Variants in FBLN5 observed in about 807,000 individuals in gnomAD.
FBLN5 encodes fibulin-5.
In FBLN5, 24 loss-of-function variants were observed where a neutral mutation model predicts 61.6. The observed-to-expected ratio is 0.39, with a 90% CI of 0.28 to 0.55. FBLN5 has a LOEUF of 0.55. Among genes scored for constraint, FBLN5 ranks in the 20% least tolerant of loss-of-function variants. The pLI is 0.65. For missense variants in FBLN5, 470 were observed against 594.1 expected (o/e 0.79, Z 2.17); for synonymous variants, 213 against 219.8 (o/e 0.97, Z 0.27).
At chr14:91,886,770 A>AT (rs1566804118) in intron 7 of FBLN5, among the ~76,000 whole-genome samples, 3 of 152,146 alleles carry the variant, frequency 2.0e-5, no homozygotes, top group Non-Finnish European at 4.4e-5. Context: ...CATTCATTCA[A>AT]TGTTCCCCCC....
chr14:91,879,151 C>T (rs1227331523), intron 9 of FBLN5, among the ~76,000 whole-genome samples: 1 of 152,186 alleles, frequency 6.6e-6, no homozygotes, highest in Non-Finnish European at 1.5e-5. Flanking sequence ...GTATCATGTG[C>T]AGCATAGAAA....
intron 4 of FBLN5, among the ~76,000 whole-genome samples, chr14:91,898,953 C>A (rs1220892356): frequency 6.6e-6 from 1 of 151,952 alleles, no homozygotes; most frequent in Non-Finnish European, 1.5e-5. Flanking sequence ...AGGTGCCCAC[C>A]ACCACGCCCG....
chr14:91,942,051 C>T, intron 2 of FBLN5: 1 of 436,250 alleles, frequency 2.3e-6, no homozygotes, highest in Non-Finnish European at 4.6e-6. Context: ...CTGCAGCCCT[C>T]AGCCTGCTCA....
At chr14:91,883,509 A>T (rs1289143518) in intron 7 of FBLN5, among the ~76,000 whole-genome samples, 1 of 152,062 alleles carries the variant, frequency 6.6e-6, no homozygotes, top group Non-Finnish European at 1.5e-5. Flanking sequence ...GGCCCTCTGA[A>T]GGGGCAACTT....
At chr14:91,935,911 C>T (rs946388845) in intron 4 of FBLN5, among the ~76,000 whole-genome samples, 4 of 152,338 alleles carry the variant, frequency 2.6e-5, no homozygotes, top group East Asian at 1.9e-4. Flanking sequence ...AGAGACCACA[C>T]GCCTTGAGAC....
chr14:91,880,522 C>CGTGTGTGT (rs1170158743), intron 9 of FBLN5, among the ~76,000 whole-genome samples: 2 of 106,832 alleles, frequency 1.9e-5, no homozygotes, highest in African/African-American at 7.1e-5. Context: ...TGGGAGTGTG[C>CGTGTGTGT]GTGCGTGTGT....
chr14:91,894,841 C>CCAAAAA, intron 5 of FBLN5, 109 bp downstream of exon 5: 4 of 563,080 alleles, frequency 7.1e-6, no homozygotes, highest in South Asian at 3.2e-5. Flanking sequence ...CCCTCCCTAG[C>CCAAAAA]AAAGAAAAGC....
chr14:91,895,135 G>T, intron 4 of FBLN5, 63 bp from the exon 5 acceptor site: 1 of 1,606,584 alleles, frequency 6.2e-7, no homozygotes, highest in South Asian at 1.1e-5. Flanking sequence ...GGAGCCACCA[G>T]GGGTGCCAGT....
chr14:91,937,698 TG>T (rs1452413721), intron 3 of FBLN5, among the ~76,000 whole-genome samples: 1 of 152,200 alleles, frequency 6.6e-6, no homozygotes, highest in Admixed American at 6.5e-5. Flanking sequence ...TTCGGAACTC[TG>T]CAGAGAGCCC....
At chr14:91,919,435 A>G (rs541408549) in intron 4 of FBLN5, among the ~76,000 whole-genome samples, 122 of 150,346 alleles carry the variant, frequency 8.1e-4, no homozygotes, top group African/African-American at 2.9e-3. Flanking sequence ...GGAAGGAAGG[A>G]TTACCAGGGG....
chr14:91,940,202 C>G (rs1285712614), intron 3 of FBLN5, among the ~76,000 whole-genome samples: 1 of 152,160 alleles, frequency 6.6e-6, no homozygotes, highest in Admixed American at 6.5e-5. Context: ...CCTACTGACA[C>G]CTTAATTCTA....
chr14:91,930,113 A>T (rs554942758), intron 4 of FBLN5, among the ~76,000 whole-genome samples: 1 of 152,244 alleles, frequency 6.6e-6, no homozygotes, highest in South Asian at 2.1e-4. Context: ...TTGGAGCAGG[A>T]GAAGTCATCA....
At chr14:91,940,988 C>T (rs946305934) in intron 2 of FBLN5, among the ~76,000 whole-genome samples, 4 of 152,092 alleles carry the variant, frequency 2.6e-5, no homozygotes, top group African/African-American at 9.7e-5. Context: ...TCATAGCTCC[C>T]ATTTTTAGCA....
At chr14:91,921,413 A>T (rs566782806) in intron 4 of FBLN5, among the ~76,000 whole-genome samples, 72 of 152,304 alleles carry the variant, frequency 4.7e-4, no homozygotes, top group Non-Finnish European at 9.0e-4. Context: ...GCAGGTTACA[A>T]GGCAACGTTT....
At chr14:91,924,015 G>A (rs905435145) in intron 4 of FBLN5, among the ~76,000 whole-genome samples, 5 of 152,200 alleles carry the variant, frequency 3.3e-5, no homozygotes, top group Middle Eastern at 3.4e-3. Flanking sequence ...CAAACCACCC[G>A]ACTCCCGCCA....
At chr14:91,885,597 GTGGTTGGTTGGT>G (rs570497405) in intron 7 of FBLN5, among the ~76,000 whole-genome samples, 4 of 152,110 alleles carry the variant, frequency 2.6e-5, no homozygotes, top group Non-Finnish European at 5.9e-5. Flanking sequence ...CTCTATGAGG[GTGGTTGGTTGGT>G]TGGTTGGTTG....
At chr14:91,936,880 C>T in intron 4 of FBLN5, 67 bp downstream of exon 4, 1 of 1,589,844 alleles carries the variant, frequency 6.3e-7, no homozygotes, top group South Asian at 1.1e-5. Context: ...TTGTGGTGAG[C>T]ATGCCAGATA....
intron 4 of FBLN5, among the ~76,000 whole-genome samples, chr14:91,910,509 T>G (rs994438108): frequency 1.3e-5 from 2 of 152,214 alleles, no homozygotes; most frequent in South Asian, 4.1e-4. Context: ...ATAATACATT[T>G]CTTGTTACGC....
intron 4 of FBLN5, among the ~76,000 whole-genome samples, chr14:91,914,623 G>A (rs535585837): frequency 6.6e-6 from 1 of 150,676 alleles, no homozygotes; most frequent in Admixed American, 6.6e-5. Flanking sequence ...AACAGAATGA[G>A]ACTCTCGAAA....
Sources: allele counts gnomAD v4.1 joint callset (sites outside exome capture counted in the v4.1 genomes callset), GRCh38; gene constraint gnomAD v4.1.1; transcripts MANE v1.5; gene names NCBI Gene and HGNC (gene_info 2026-07-23, HGNC 2026-07-21).